Variants in CORO2A observed in about 807,000 individuals in gnomAD.
CORO2A encodes the protein coronin 2A, also known as coronin-2A.
CORO2A carries 47 observed loss-of-function variants against 62.4 expected under a neutral mutation model. The observed-to-expected ratio is 0.75, with a 90% CI of 0.60 to 0.96. The LOEUF is 0.96. Among genes scored for constraint, CORO2A ranks in the 40% least tolerant of loss-of-function variants. The pLI is 0.00. For missense variants in CORO2A, 610 were observed against 684.1 expected (o/e 0.89, Z 1.21); for synonymous variants, 273 against 268.9 (o/e 1.02, Z -0.15).
At chr9:98,153,760 A>C (rs1827762385) in intron 2 of CORO2A, among the ~76,000 whole-genome samples, 1 of 151,982 alleles carries the variant, frequency 6.6e-6, no homozygotes, top group Non-Finnish European at 1.5e-5. Context: ...ATCAGGAATT[A>C]GTTCAGTTTT....
At chr9:98,184,564 A>G (rs1464691953) in intron 1 of CORO2A, among the ~76,000 whole-genome samples, 2 of 152,116 alleles carry the variant, frequency 1.3e-5, no homozygotes, top group Non-Finnish European at 2.9e-5. Context: ...GCGGCCCCAC[A>G]GTGCTCCCGT....
intron 1 of CORO2A, among the ~76,000 whole-genome samples, chr9:98,181,410 A>G (rs533669179): frequency 6.7e-6 from 1 of 148,516 alleles, no homozygotes; most frequent in South Asian, 2.1e-4. Flanking sequence ...TCCTGGCTTC[A>G]AGCAATCCTC....
chr9:98,167,753 G>C (rs1205089910), intron 1 of CORO2A, among the ~76,000 whole-genome samples: 2 of 152,236 alleles, frequency 1.3e-5, no homozygotes, highest in Non-Finnish European at 2.9e-5. Flanking sequence ...TATTAGACAA[G>C]AGTCTTTATC....
chr9:98,173,498 C>G (rs950286013), intron 1 of CORO2A, among the ~76,000 whole-genome samples: 5 of 152,300 alleles, frequency 3.3e-5, no homozygotes, highest in African/African-American at 7.2e-5. Context: ...CAACCACCCC[C>G]CAACTCGGTG....
chr9:98,128,581 T>C, intron 9 of CORO2A, 26 bp downstream of exon 9: 1 of 1,598,768 alleles, frequency 6.3e-7, no homozygotes, highest in East Asian at 2.2e-5. Flanking sequence ...CCCACCTGCC[T>C]CCCATGCGGT....
chr9:98,152,398 T>C (rs1827737809), intron 2 of CORO2A, among the ~76,000 whole-genome samples: 1 of 151,976 alleles, frequency 6.6e-6, no homozygotes, highest in Non-Finnish European at 1.5e-5. Flanking sequence ...CAAGGCAGCC[T>C]CCTGCCTCAG....
rs1344332770 is a variant in CORO2A at position 98,131,061 on chromosome 9, T to C, written c.766-2A>G. ...CATCAGAGGCACAGAGAGGTTATCC[T>C]GCAGGGGAAGGGGAGGCAGGGAAGG... is the stretch of plus-strand genomic sequence containing the variant. On this transcript the variant is annotated splice_acceptor_variant, in intron 6 of 11. Transcript: ENST00000375077. LOFTEE classifies it high-confidence loss of function. 3.1e-6 allele frequency: 5 copies of C among 1,608,018 alleles called. No homozygotes were observed. The South Asian group carries it at 5.5e-5, about 18-fold the overall frequency.
At chr9:98,145,826 C>T (rs760579031) in intron 2 of CORO2A, among the ~76,000 whole-genome samples, 1 of 152,194 alleles carries the variant, frequency 6.6e-6, no homozygotes, top group Non-Finnish European at 1.5e-5. Context: ...GATTCTCCTG[C>T]CTCAGCCTCC....
At chr9:98,155,068 T>A (rs1406900424) in intron 2 of CORO2A, among the ~76,000 whole-genome samples, 1 of 152,218 alleles carries the variant, frequency 6.6e-6, no homozygotes, top group East Asian at 1.9e-4. Flanking sequence ...CAACTCTGTA[T>A]ACTTGCTGTC....
chr9:98,182,414 A>G (rs960528883), intron 1 of CORO2A, among the ~76,000 whole-genome samples: 1 of 152,100 alleles, frequency 6.6e-6, no homozygotes, highest in Admixed American at 6.5e-5. Context: ...CCTGCCAGCA[A>G]GCTCTCAAAG....
At position 98,132,272 on chromosome 9, in the gene CORO2A, G is replaced by A. The variant is rs868164570; in HGVS notation, c.678C>T (p.Ser226=). The A allele has an allele frequency of 9.3e-6, 15 of 1,614,094 alleles. No individual in the cohort carries two copies. The Middle Eastern group carries it at 2.3e-3, about 250-fold the overall frequency. The change falls in exon 6 of 12, where the codon AGC becomes AGT. Residue 226 remains serine, a synonymous_variant. Transcript: ENST00000375077. ...TCAGGTTCCCCAGAAACAGCACTTT[G>A]CTGGCCCGGTGCCCTTTGTAGCTGG... ...QEASYKGHRA[S]KVLFLGNLKK...
At position 98,131,551 on chromosome 9, in the gene CORO2A, T is replaced by A. The variant is rs545081005; in HGVS notation, c.766-492A>T. 6.7e-4 allele frequency among the ~76,000 whole-genome samples: 102 copies of A among 152,094 alleles called. 1 individual carries two copies. The South Asian group carries it at 0.021, about 31-fold the overall frequency. On this transcript the variant is annotated intron_variant, in intron 6 of 11. Coordinates refer to ENST00000375077, the MANE Select transcript of CORO2A (RefSeq NM_052820.4). ...TCAGGCTGGTCTCGAATTCGTGGCC[T>A]CAAGTGATCCTCCCGCCATGGCCTT...
intron 1 of CORO2A, among the ~76,000 whole-genome samples, chr9:98,166,964 C>T (rs1460348162): frequency 6.6e-6 from 1 of 151,524 alleles, no homozygotes; most frequent in Non-Finnish European, 1.5e-5. Context: ...ATTAGCTGGG[C>T]ATGGTGGCAC....
intron 2 of CORO2A, among the ~76,000 whole-genome samples, chr9:98,148,260 T>C (rs1414621984): frequency 2.6e-5 from 4 of 151,348 alleles, no homozygotes; most frequent in African/African-American, 7.3e-5. Flanking sequence ...CCAGGTGTGG[T>C]GGCATGTGCC....
At chr9:98,128,301 G>C (rs1217546055) in intron 9 of CORO2A, 41 bp from the exon 10 acceptor site, 1 of 1,528,266 alleles carries the variant, frequency 6.5e-7, no homozygotes. Flanking sequence ...TGGTAGGGTA[G>C]GCTGCTCAGA....
In CORO2A at chr9:98,132,340, G is replaced by C. The variant is rs199736777; in HGVS notation, c.649-39C>G. 7 of 1,555,446 alleles carry C rather than the reference G, an allele frequency of 4.5e-6. No individual in the cohort carries two copies. In the East Asian group the frequency reaches 1.6e-4, roughly 35 times the overall value. ...TGCGGTCGGTATTGGAGAGACAGTAGAGGATCGGGGGCAGCTGGGGTTTCT... is the reference window on the plus strand; with the variant it reads ...TGCGGTCGGTATTGGAGAGACAGTACAGGATCGGGGGCAGCTGGGGTTTCT... On this transcript the variant is annotated intron_variant, in intron 5 of 11. Coordinates refer to ENST00000375077, the MANE Select transcript of CORO2A (RefSeq NM_052820.4).
chr9:98,137,187 A>T (rs144785169), intron 3 of CORO2A, among the ~76,000 whole-genome samples: 1 of 152,310 alleles, frequency 6.6e-6, no homozygotes, highest in East Asian at 1.9e-4. Context: ...ACAGCCTTTT[A>T]TAGCTCGCTT....
rs552888486 is a variant in CORO2A at position 98,190,753 on chromosome 9, C to A, written c.-1+1806G>T. ...GGCTTGAATTAGGCAAGCAGGAAAA[C>A]AGGGCCCAGATTATACATGTGTCGA... On this transcript the variant is annotated intron_variant, in intron 1 of 11. Coordinates refer to ENST00000375077, the MANE Select transcript of CORO2A (RefSeq NM_052820.4). 3.3e-5 allele frequency among the ~76,000 whole-genome samples: 5 copies of A among 152,320 alleles called. No individual in the cohort carries two copies. In the South Asian group the frequency reaches 8.3e-4, roughly 25 times the overall value.
Position 98,122,278 on chromosome 9 carries a change from A to G in CORO2A, c.*2496T>C, listed in dbSNP as rs1827253496. The G allele has an allele frequency of 6.6e-6, 1 of 152,206 alleles. No individual in the cohort carries two copies. Among genetic ancestry groups the G allele is most frequent in the African/African-American group, 2.4e-5 (1 of 41,428 alleles). The allele number at this position is 152,206 out of a possible 1,614,324, so 9.4% of individuals were successfully genotyped here. A position where few individuals can be genotyped will look rare whatever the true frequency, so the allele number is the denominator to read the frequency against. ...ACTGCAGATCACCTGTGGAGCTTAT[A>G]TGACCATACAGGCCCTACTCTGGAG... On this transcript the variant is annotated 3_prime_UTR_variant, in exon 12 of 12. Coordinates refer to ENST00000375077, the MANE Select transcript of CORO2A (RefSeq NM_052820.4).
Sources: gnomAD v4.1 joint callset for allele counts (sites outside exome capture counted in the v4.1 genomes callset) on GRCh38, gnomAD v4.1.1 for gene constraint, MANE v1.5 for transcripts, NCBI Gene and HGNC (gene_info 2026-07-23, HGNC 2026-07-21) for gene names.